The following NPAS3 variants were observed in gnomAD, a reference collection of about 807,000 sequenced individuals.
The protein encoded by NPAS3 is neuronal PAS domain protein 3.
NPAS3 carries 14 observed loss-of-function variants against 73.1 expected under a neutral mutation model. That is an observed-to-expected ratio of 0.19 (90% CI 0.13 to 0.30). The LOEUF is 0.30. Ranked by LOEUF, NPAS3 falls within the 10% of genes least tolerant of loss-of-function variation. The pLI, the probability that NPAS3 is intolerant of heterozygous loss-of-function variation, is 1.00. For missense variants in NPAS3, 1,096 were observed against 1,250.0 expected, an observed-to-expected ratio of 0.88 and a Z score of 1.86; for synonymous variants, 620 against 541.5, an observed-to-expected ratio of 1.14 and a Z score of -2.01.
At chr14:33,627,699 A>G (rs76034818) in intron 5 of NPAS3, among the ~76,000 whole-genome samples, 2,197 of 152,344 alleles carry the variant, frequency 0.014, 52 homozygotes, top group African/African-American at 0.049. Flanking sequence ...GTAAAAACAT[A>G]TTAGAAAGAT....
intron 4 of NPAS3, among the ~76,000 whole-genome samples, chr14:33,444,015 A>T (rs1222725480): frequency 6.6e-6 from 1 of 152,208 alleles, no homozygotes; most frequent in Non-Finnish European, 1.5e-5. Flanking sequence ...TGGAACTTGA[A>T]CTATTTAATT....
chr14:33,480,248 G>GACAGTTGTTCTATCTATTT (rs1357642190), intron 4 of NPAS3, among the ~76,000 whole-genome samples: 4 of 152,150 alleles, frequency 2.6e-5, no homozygotes, highest in South Asian at 2.1e-4. Flanking sequence ...AATAAGAACT[G>GACAGTTGTTCTATCTATTT]ACAGTTGTTC....
intron 6 of NPAS3, among the ~76,000 whole-genome samples, chr14:33,688,565 T>A (rs1230513614): frequency 6.6e-6 from 1 of 152,090 alleles, no homozygotes; most frequent in Non-Finnish European, 1.5e-5. Flanking sequence ...GAGGCTAAAT[T>A]TTCCAGTTCA....
chr14:33,689,477 C>T (rs8014950), intron 6 of NPAS3, among the ~76,000 whole-genome samples: 86,342 of 151,856 alleles, frequency 0.57, 24,980 homozygotes, highest in South Asian at 0.68. Context: ...TGATAGGAAA[C>T]TGGCATCTAG....
intron 4 of NPAS3, among the ~76,000 whole-genome samples, chr14:33,495,842 G>A (rs531247759): frequency 5.9e-5 from 9 of 151,274 alleles, no homozygotes; most frequent in East Asian, 5.9e-4. Context: ...ATATTCCTCC[G>A]TCACTTTATT....
At chr14:33,294,688 C>T (rs1010846362) in intron 3 of NPAS3, among the ~76,000 whole-genome samples, 1 of 152,042 alleles carries the variant, frequency 6.6e-6, no homozygotes. Context: ...CATCACTACC[C>T]GTAAATAATT....
chr14:33,622,177 T>C (rs764024701), intron 5 of NPAS3, among the ~76,000 whole-genome samples: 4 of 152,064 alleles, frequency 2.6e-5, no homozygotes, highest in Admixed American at 6.6e-5. Flanking sequence ...CAGTCGGTTC[T>C]AAGAGCAAAG....
chr14:33,196,359 A>C (rs2046351822), intron 2 of NPAS3, among the ~76,000 whole-genome samples: 1 of 152,216 alleles, frequency 6.6e-6, no homozygotes, highest in African/African-American at 2.4e-5. Context: ...CCTGTCTCGG[A>C]TAGTTCAGTT....
chr14:33,797,444 C>T lies in NPAS3; in HGVS notation c.1302-13C>T. 2 of 1,613,888 alleles carry T rather than the reference C, an allele frequency of 1.2e-6. No homozygotes were observed. Among genetic ancestry groups the T allele is most frequent in the Non-Finnish European group, 1.7e-6 (2 of 1,179,878 alleles). The stretch of plus-strand genomic sequence containing the variant: ...GGGTGTCTGCACTCCTGACCAGTGC[C>T]TCCCTTCCACAGCAATCCTGAGTAC... On this transcript the variant is annotated splice_polypyrimidine_tract_variant and intron_variant, in intron 10 of 11. Coordinates refer to ENST00000356141, the Ensembl canonical transcript of NPAS3.
chr14:33,115,814 A>C (rs2043045110), intron 2 of NPAS3, among the ~76,000 whole-genome samples: 1 of 152,140 alleles, frequency 6.6e-6, no homozygotes, highest in South Asian at 2.1e-4. Context: ...AATTCTATGA[A>C]GGTGACCTGC....
chr14:33,353,691 T>C (rs2045189805), intron 3 of NPAS3, among the ~76,000 whole-genome samples: 1 of 152,170 alleles, frequency 6.6e-6, no homozygotes. Context: ...GGAAAGTCAC[T>C]CTAGTAGTGG....
chr14:33,072,455 T>C (rs1047785529), intron 2 of NPAS3, among the ~76,000 whole-genome samples: 1 of 152,168 alleles, frequency 6.6e-6, no homozygotes, highest in Non-Finnish European at 1.5e-5. Context: ...GAAAATGTAA[T>C]TTAACAAAGG....
At chr14:33,713,131 T>C (rs549261345) in intron 6 of NPAS3, among the ~76,000 whole-genome samples, 7 of 152,318 alleles carry the variant, frequency 4.6e-5, no homozygotes, top group Admixed American at 6.5e-5. Flanking sequence ...TTGTTCCATT[T>C]TATCATCTAC....
chr14:33,777,797 C>T (rs566266056), intron 8 of NPAS3, among the ~76,000 whole-genome samples: 3 of 152,284 alleles, frequency 2.0e-5, no homozygotes, highest in East Asian at 3.9e-4. Flanking sequence ...TTTACACACA[C>T]GTACTGTCGA....
At chr14:33,597,440 TAA>T (rs1321399981) in intron 5 of NPAS3, among the ~76,000 whole-genome samples, 1 of 152,206 alleles carries the variant, frequency 6.6e-6, no homozygotes, top group African/African-American at 2.4e-5. Flanking sequence ...CATGGGAACA[TAA>T]AGAGTAATTT....
At chr14:33,323,972 A>G (rs558048266) in intron 3 of NPAS3, among the ~76,000 whole-genome samples, 1 of 152,366 alleles carries the variant, frequency 6.6e-6, no homozygotes, top group African/African-American at 2.4e-5. Flanking sequence ...GAGAATAATT[A>G]AGACAACTGT....
At chr14:32,972,613 G>T (rs78780769) in intron 1 of NPAS3, among the ~76,000 whole-genome samples, 119 of 152,312 alleles carry the variant, frequency 7.8e-4, no homozygotes, top group Non-Finnish European at 1.5e-3. Flanking sequence ...AATCCAGCAG[G>T]TTGCCCCTGC....
intron 3 of NPAS3, among the ~76,000 whole-genome samples, chr14:33,226,447 T>C (rs2047636176): frequency 6.6e-6 from 1 of 152,218 alleles, no homozygotes; most frequent in Non-Finnish European, 1.5e-5. Flanking sequence ...TCTGTGTATT[T>C]AGTGGTATTA....
At chr14:33,246,652 A>G (rs907509222) in intron 3 of NPAS3, among the ~76,000 whole-genome samples, 1 of 151,362 alleles carries the variant, frequency 6.6e-6, no homozygotes. Context: ...ACAAAGTTCT[A>G]GTCTTTGGAA....
Sources: gnomAD v4.1 joint callset for allele counts (sites outside exome capture counted in the v4.1 genomes callset) on GRCh38, gnomAD v4.1.1 for gene constraint, MANE v1.5 for transcripts, NCBI Gene and HGNC (gene_info 2026-07-23, HGNC 2026-07-21) for gene names.